The following MDM2 variants were observed in gnomAD, a reference collection of about 807,000 sequenced individuals.
MDM2 encodes the protein E3 ubiquitin-protein ligase Mdm2.
Under a neutral mutation model 64.3 loss-of-function variants are expected in MDM2, and 11 were observed. That is an observed-to-expected ratio of 0.17 (90% CI 0.11 to 0.28). The LOEUF is 0.28. Ranked by LOEUF, MDM2 falls within the 10% of genes least tolerant of loss-of-function variation. The pLI, the probability that MDM2 is intolerant of heterozygous loss-of-function variation, is 1.00. For synonymous variants in MDM2, 194 were observed against 192.9 expected, an observed-to-expected ratio of 1.01 and a Z score of -0.05; for missense variants, 388 against 577.1, an observed-to-expected ratio of 0.67 and a Z score of 3.36.
chr12:68,838,403 A>G (rs1370227123), intron 10 of MDM2, among the ~76,000 whole-genome samples: 1 of 152,218 alleles, frequency 6.6e-6, no homozygotes, highest in Non-Finnish European at 1.5e-5. Flanking sequence ...AGAAGCATTG[A>G]GCAGTTACAA....
chr12:68,826,017 A>G (rs1882286641), intron 7 of MDM2, among the ~76,000 whole-genome samples: 1 of 152,224 alleles, frequency 6.6e-6, no homozygotes, highest in African/African-American at 2.4e-5. Context: ...TTTAAATTTG[A>G]CTGTTAATAT....
rs749301960 is a variant in MDM2 at position 68,835,927 on chromosome 12, C to A, written c.783C>A (p.Asp261Glu). The A allele has an allele frequency of 6.2e-7, 1 of 1,613,568 alleles. No individual in the cohort carries two copies. Among genetic ancestry groups the A allele is most frequent in the African/African-American group, 1.3e-5 (1 of 75,022 alleles). Residue 261 changes from aspartate to glutamate, a missense_variant, in exon 9 of 11, where the codon GAC becomes GAA. This residue lies in a region of MDM2 where 168 missense variants were observed against 236.6 expected (regional missense o/e 0.71). Coordinates refer to ENST00000258149, the MANE Select transcript of MDM2 (RefSeq NM_002392.6). The part of the protein sequence containing the change: ...FSVEFEVESL[D>E]SEDYSLSEEG... ...TAGAATTTGAAGTTGAATCTCTCGACTCAGAAGATTATAGCCTTAGTGAAG... is the reference window on the plus strand; with the variant it reads ...TAGAATTTGAAGTTGAATCTCTCGAATCAGAAGATTATAGCCTTAGTGAAG...
chr12:68,833,150 ATATAT>A (rs1233737613), intron 8 of MDM2, among the ~76,000 whole-genome samples: 4 of 43,874 alleles, frequency 9.1e-5, no homozygotes, highest in Non-Finnish European at 8.3e-5. Flanking sequence ...AAAAAAAAAA[ATATAT>A]ATATATATAT....
intron 3 of MDM2, among the ~76,000 whole-genome samples, chr12:68,816,362 CTTTTTTTTTTT>C (rs62874563): frequency 3.8e-4 from 23 of 61,086 alleles, no homozygotes; most frequent in Admixed American, 1.3e-3. Flanking sequence ...TTAAAAGTAG[CTTTTTTTTTTT>C]TTTTTTTTTT....
Position 68,840,835 on chromosome 12 carries a change from CTTTTTTTTTTTT to C in MDM2, c.*1002_*1013del, listed in dbSNP as rs60051373. On this transcript the variant is annotated 3_prime_UTR_variant, in exon 11 of 11. Coordinates refer to ENST00000258149, the MANE Select transcript of MDM2 (RefSeq NM_002392.6). ...AATTAGTATTTAAATTTTAGATACT[CTTTTTTTTTTTT>C]TTTTTTTTTTTTTTTGAGACAGAGT... The C allele has an allele frequency of 9.5e-4, 70 of 73,942 alleles. No homozygotes were observed. The highest frequency in any genetic ancestry group is 4.8e-3 in the East Asian group (15 of 3,130). 4.6% of individuals were successfully genotyped at this position (73,942 alleles called of 1,614,324 possible).
intron 7 of MDM2, among the ~76,000 whole-genome samples, chr12:68,825,173 C>T (rs116982989): frequency 6.6e-6 from 1 of 152,316 alleles, no homozygotes; most frequent in East Asian, 1.9e-4. Context: ...TGCGCCACTG[C>T]ACTCCAGCCT....
At chr12:68,826,626 G>A (rs1380225722) in intron 7 of MDM2, among the ~76,000 whole-genome samples, 1 of 141,416 alleles carries the variant, frequency 7.1e-6, no homozygotes, top group Non-Finnish European at 1.5e-5. Flanking sequence ...TCCAGCCTGG[G>A]GTACAGAGTG....
intron 8 of MDM2, among the ~76,000 whole-genome samples, chr12:68,830,435 C>T (rs538655246): frequency 5.1e-4 from 78 of 152,204 alleles, no homozygotes; most frequent in Non-Finnish European, 8.5e-4. Context: ...CCTGCTCAGT[C>T]TGAGAGCAGG....
intron 5 of MDM2, among the ~76,000 whole-genome samples, chr12:68,820,696 A>T (rs1881769943): frequency 6.6e-6 from 1 of 152,200 alleles, no homozygotes; most frequent in Non-Finnish European, 1.5e-5. Context: ...TTTGGGAAAT[A>T]ATATTGTTAC....
intron 2 of MDM2, among the ~76,000 whole-genome samples, chr12:68,811,716 C>T (rs916276144): frequency 6.6e-6 from 1 of 151,360 alleles, no homozygotes; most frequent in East Asian, 1.9e-4. Context: ...GCAATTCTGC[C>T]GCAGCCTCCC....
chr12:68,808,508 G>A lies in MDM2; in HGVS notation c.14+17G>A. The A allele has an allele frequency of 1.9e-6, 3 of 1,614,070 alleles. No homozygotes were observed. Among genetic ancestry groups the A allele is most frequent in the Non-Finnish European group, 2.5e-6 (3 of 1,179,972 alleles). ...GAGGAGCAGGTACTGGCCCGGCAGC[G>A]AGCGGTCACTTTTGGGTCTGGGCTC... On this transcript the variant is annotated intron_variant, in intron 1 of 10. Coordinates refer to ENST00000258149, the MANE Select transcript of MDM2 (RefSeq NM_002392.6).
At chr12:68,827,052 C>A (rs1355404567) in intron 7 of MDM2, among the ~76,000 whole-genome samples, 1 of 152,040 alleles carries the variant, frequency 6.6e-6, no homozygotes, top group Non-Finnish European at 1.5e-5. Flanking sequence ...GTGGTGGGCA[C>A]CTGTAGTCCC....
In MDM2 at chr12:68,840,073, A is replaced by T; in HGVS notation, c.*224A>T. The T allele has an allele frequency of 2.1e-6, 1 of 479,670 alleles. No homozygotes were observed. The highest frequency in any genetic ancestry group is 3.6e-6 in the Non-Finnish European group (1 of 275,238). The allele number at this position is 479,670 out of a possible 1,614,324, so 29.7% of individuals were successfully genotyped here. A position where few individuals can be genotyped will look rare whatever the true frequency, so the allele number is the denominator to read the frequency against. On this transcript the variant is annotated 3_prime_UTR_variant, in exon 11 of 11. Coordinates refer to ENST00000258149, the MANE Select transcript of MDM2 (RefSeq NM_002392.6). ...TTTACACCAACTCCTAATTTTAAATAATTTCTACTCTGTCTTAAATGAGAA... is the reference window on the plus strand; with the variant it reads ...TTTACACCAACTCCTAATTTTAAATTATTTCTACTCTGTCTTAAATGAGAA...
intron 2 of MDM2, among the ~76,000 whole-genome samples, chr12:68,810,752 C>T (rs1032247121): frequency 1.5e-4 from 23 of 151,998 alleles, no homozygotes; most frequent in Non-Finnish European, 2.8e-4. Context: ...TGAGTCACTG[C>T]GCCTGGCCTC....
At chr12:68,828,991 T>C in intron 8 of MDM2, 60 bp downstream of exon 8, 1 of 1,515,898 alleles carries the variant, frequency 6.6e-7, no homozygotes, top group Non-Finnish European at 9.1e-7. Context: ...GTCCTGGCAG[T>C]CCTAATAAGG....
At chr12:68,808,836 C>T in intron 1 of MDM2, 2 of 845,166 alleles carry the variant, frequency 2.4e-6, no homozygotes, top group Non-Finnish European at 2.8e-6. Context: ...AGGTGCCTGT[C>T]GGGTCACTAG....
Position 68,820,315 on chromosome 12 carries a change from T to C in MDM2, c.309-10T>C. The stretch of plus-strand genomic sequence containing the variant: ...CATCTCTTGTTATTTTTTTTTTTTC[T>C]GTCTACAAGGAAAATATATACCATG... On this transcript the variant is annotated splice_polypyrimidine_tract_variant and intron_variant, in intron 4 of 10. Transcript: ENST00000258149. 7 of 1,567,844 alleles carry C rather than the reference T, an allele frequency of 4.5e-6. No homozygotes were observed. Among genetic ancestry groups the C allele is most frequent in the Non-Finnish European group, 6.1e-6 (7 of 1,155,648 alleles).
chr12:68,810,176 G>C (rs1404581807), intron 2 of MDM2, among the ~76,000 whole-genome samples: 2 of 152,048 alleles, frequency 1.3e-5, no homozygotes, highest in East Asian at 3.9e-4. Flanking sequence ...GTCGGGCATG[G>C]TGGCGCGCGC....
chr12:68,810,306 G>A (rs1303203025), intron 2 of MDM2, among the ~76,000 whole-genome samples: 2 of 128,682 alleles, frequency 1.6e-5, no homozygotes, highest in East Asian at 5.4e-4. Context: ...GCGAAACTCC[G>A]TCTAAAAAAA....
Sources: gnomAD v4.1 joint callset for allele counts (sites outside exome capture counted in the v4.1 genomes callset) on GRCh38, gnomAD v4.1.1 for gene constraint, gnomAD v4.1.1 regional missense constraint, MANE v1.5 for transcripts, NCBI Gene and HGNC (gene_info 2026-07-23, HGNC 2026-07-21) for gene names.